ZNF638: variants seen among roughly 807,000 people sequenced by gnomAD.
ZNF638 encodes the protein CTCL tumor antigen se33-1.
Under a neutral mutation model 195.6 loss-of-function variants are expected in ZNF638, and 46 were observed. That is an observed-to-expected ratio of 0.24 (90% CI 0.19 to 0.30). The LOEUF is 0.30. Among genes scored for constraint, ZNF638 ranks in the 10% least tolerant of loss-of-function variants. ZNF638 has a pLI of 1.00. For synonymous variants in ZNF638, 845 were observed against 772.0 expected, an observed-to-expected ratio of 1.09 and a Z score of -1.57; for missense variants, 2,440 against 2,325.3, an observed-to-expected ratio of 1.05 and a Z score of -1.01.
rs751602723 is a variant in ZNF638 at position 71,365,405 on chromosome 2, ATTATAT to A, written c.1718-17_1718-12del. ...CTACCTTAATTTTTTTCCAATTGAA[ATTATAT>A]TTATATCTTTTTACTAGATAGAAAA... On this transcript the variant is annotated intron_variant, in intron 5 of 27. Transcript: ENST00000264447. The A allele has an allele frequency of 3.6e-5, 55 of 1,528,742 alleles. No homozygotes were observed. In the South Asian group the frequency reaches 4.5e-4, roughly 12 times the overall value. The allele number at this position is 1,528,742 out of a possible 1,614,324, so 94.7% of individuals were successfully genotyped here. A position where few individuals can be genotyped will look rare whatever the true frequency, so the allele number is the denominator to read the frequency against.
intron 10 of ZNF638, chr2:71,393,789 T>C (rs2079838077): frequency 4.9e-6 from 3 of 616,772 alleles, no homozygotes; most frequent in Non-Finnish European, 2.9e-6. Flanking sequence ...CAGCCTCTAA[T>C]AACGTTAACT....
chr2:71,384,510 C>T (rs2079598408), intron 10 of ZNF638, among the ~76,000 whole-genome samples: 1 of 152,162 alleles, frequency 6.6e-6, no homozygotes, highest in Admixed American at 6.5e-5. Context: ...TTTATTTATG[C>T]TGTCTATTTG....
intron 11 of ZNF638, 99 bp downstream of exon 11, chr2:71,396,290 C>G (rs1202303406): frequency 2.1e-6 from 2 of 947,726 alleles, no homozygotes; most frequent in Non-Finnish European, 3.2e-6. Flanking sequence ...ATGACATAGT[C>G]TGTATTGAAT....
chr2:71,388,418 C>T, intron 10 of ZNF638: 1 of 677,110 alleles, frequency 1.5e-6, no homozygotes, highest in Non-Finnish European at 2.7e-6. Flanking sequence ...TGCAGGACTG[C>T]TCCCTACAGG....
intron 15 of ZNF638, among the ~76,000 whole-genome samples, chr2:71,400,827 T>G (rs1335222100): frequency 6.6e-6 from 1 of 152,176 alleles, no homozygotes. Context: ...TAAATTAGAA[T>G]CAGTAGAATT....
intron 1 of ZNF638, among the ~76,000 whole-genome samples, chr2:71,343,206 G>A (rs1356457675): frequency 6.6e-6 from 1 of 151,942 alleles, no homozygotes; most frequent in Non-Finnish European, 1.5e-5. Context: ...CTGTTAGATT[G>A]TTGGCACTTT....
intron 13 of ZNF638, 32 bp downstream of exon 13, chr2:71,399,677 GTTTTC>G (rs756574813): frequency 2.1e-5 from 33 of 1,549,684 alleles, no homozygotes; most frequent in South Asian, 1.9e-4. Flanking sequence ...TCAGTGCTTT[GTTTTC>G]TTTTCTTTTT....
chr2:71,380,381 A>G, intron 9 of ZNF638, 101 bp downstream of exon 9: 1 of 1,116,108 alleles, frequency 9.0e-7, no homozygotes, highest in Non-Finnish European at 1.3e-6. Flanking sequence ...TATCACTATA[A>G]CTATAGTTTA....
chr2:71,398,114 TG>T (rs2079932362), intron 11 of ZNF638, among the ~76,000 whole-genome samples: 2 of 152,198 alleles, frequency 1.3e-5, no homozygotes, highest in African/African-American at 2.4e-5. Context: ...TTATTTAACT[TG>T]CATGAATGCT....
At chr2:71,380,106 A>G (rs1045163102) in intron 8 of ZNF638, 116 bp from the exon 9 acceptor site, 6 of 484,818 alleles carry the variant, frequency 1.2e-5, no homozygotes, top group African/African-American at 2.0e-5. Context: ...CTTTATAAAT[A>G]GGAAAAGGTA....
chr2:71,424,509 G>C (rs945901056), intron 22 of ZNF638, 141 bp from the exon 23 acceptor site: 1 of 670,686 alleles, frequency 1.5e-6, no homozygotes, highest in Non-Finnish European at 2.6e-6. Context: ...ACTTAGTTTT[G>C]TATACATGTT....
intron 10 of ZNF638, among the ~76,000 whole-genome samples, chr2:71,384,499 C>A (rs2079598036): frequency 6.6e-6 from 1 of 152,114 alleles, no homozygotes; most frequent in African/African-American, 2.4e-5. Context: ...TTCCTTGGTT[C>A]TTTATTTATG....
At chr2:71,406,025 A>T in intron 18 of ZNF638, 103 bp from the exon 19 acceptor site, 2 of 1,350,612 alleles carry the variant, frequency 1.5e-6, no homozygotes, top group Non-Finnish European at 2.0e-6. Flanking sequence ...CTCTTGGGAG[A>T]GAACATCATC....
chr2:71,370,127 T>C (rs891151320), intron 8 of ZNF638, 122 bp downstream of exon 8: 1 of 1,054,086 alleles, frequency 9.5e-7, no homozygotes, highest in Non-Finnish European at 1.4e-6. Flanking sequence ...ACACATTATA[T>C]GTGCATTAAT....
rs1441043823 is a variant in ZNF638 at position 71,426,858 on chromosome 2, T to C, written c.4989T>C (p.Val1663=). The C allele has an allele frequency of 2.5e-6, 4 of 1,614,010 alleles. No homozygotes were observed. The South Asian group carries it at 3.3e-5, about 13-fold the overall frequency. ...TTTCCCACAGTGAACCTAAAGATGT[T>C]ACTGTTCTGTCAGTGGCTGAAGAAC... ...DCISHSEPKD[V]TVLSVAEEQD... is the part of the protein sequence containing the mutation. Residue 1663 remains valine, a synonymous_variant, in exon 24 of 28, where the codon GTT becomes GTC. Transcript: ENST00000264447.
intron 18 of ZNF638, 76 bp downstream of exon 18, chr2:71,405,718 G>A (rs2152579087): frequency 2.7e-6 from 3 of 1,093,924 alleles, no homozygotes; most frequent in Non-Finnish European, 4.0e-6. Context: ...TGCCTTTTAG[G>A]AATTAAAACC....
Position 71,423,396 on chromosome 2 carries a change from A to C in ZNF638, c.3882A>C (p.Thr1294=), listed in dbSNP as rs377300492. 7.2e-5 allele frequency: 117 copies of C among 1,613,882 alleles called. 1 individual carries two copies. In the South Asian group the frequency reaches 1.1e-3, roughly 15 times the overall value. Residue 1294 remains threonine, a synonymous_variant, in exon 22 of 28, where the codon ACA becomes ACC. Coordinates refer to ENST00000264447, the MANE Select transcript of ZNF638 (RefSeq NM_014497.5). ...VPGIPTGDEK[T]VDKKNISEKK... ...GAATTCCCACTGGGGATGAGAAGAC[A>C]GTGGACAAAAAGAATATTTCTGAAA...
intron 25 of ZNF638, among the ~76,000 whole-genome samples, chr2:71,430,416 G>T (rs1370536532): frequency 6.6e-6 from 1 of 152,142 alleles, no homozygotes; most frequent in Non-Finnish European, 1.5e-5. Context: ...GATCAGTAAA[G>T]TGTGAGGAAT....
chr2:71,352,293 C>G (rs2078953394), intron 2 of ZNF638, among the ~76,000 whole-genome samples: 1 of 151,906 alleles, frequency 6.6e-6, no homozygotes, highest in African/African-American at 2.4e-5. Context: ...CCCTTACTGA[C>G]ATGGTGAAAT....
Sources: allele counts gnomAD v4.1 joint callset (sites outside exome capture counted in the v4.1 genomes callset), GRCh38; gene constraint gnomAD v4.1.1; transcripts MANE v1.5; gene names NCBI Gene and HGNC (gene_info 2026-07-23, HGNC 2026-07-21).